The following PARG variants were observed in gnomAD, a reference collection of about 807,000 sequenced individuals.
The protein encoded by PARG is poly(ADP-ribose) glycohydrolase.
In PARG, 35 loss-of-function variants were observed where a neutral mutation model predicts 113.0. The observed-to-expected ratio is 0.31, with a 90% confidence interval of 0.24 to 0.41. PARG has a LOEUF of 0.41. Ranked by LOEUF, PARG falls within the 10% of genes least tolerant of loss-of-function variation. The probability of loss-of-function intolerance (pLI) is 1.00; values close to 1 mark genes in which losing one functional copy is unlikely to be tolerated. For missense variants in PARG, 797 were observed against 1,169.4 expected (o/e 0.68, Z 4.64); for synonymous variants, 330 against 409.9 (o/e 0.81, Z 2.36).
intron 15 of PARG, among the ~76,000 whole-genome samples, chr10:49,836,228 C>T (rs1245076581): frequency 1.3e-5 from 2 of 148,370 alleles, no homozygotes; most frequent in African/African-American, 2.5e-5. Context: ...AATCAATCTA[C>T]TATACTTCTT....
rs1844434823 is a variant in PARG at position 49,827,859 on chromosome 10, G to A, written c.2647+4944C>T. Among the ~76,000 whole-genome samples, 4 of 152,032 alleles carry A rather than the reference G, an allele frequency of 2.6e-5. No individual in the cohort carries two copies. The South Asian group carries it at 8.3e-4, about 31-fold the overall frequency. On this transcript the variant is annotated intron_variant, in intron 16 of 17. Coordinates refer to ENST00000616448, the MANE Select transcript of PARG (RefSeq NM_003631.5). ...GCAATAATTGACTATGTTAGGCCAT[G>A]AAGAGAAGTTCAAGAAACACCAAAA...
intron 16 of PARG, among the ~76,000 whole-genome samples, chr10:49,825,711 T>A (rs1384060221): frequency 6.6e-6 from 1 of 152,204 alleles, no homozygotes; most frequent in African/African-American, 2.4e-5. Context: ...ACAGGTTTAT[T>A]GGCTGTCTAT....
intron 9 of PARG, among the ~76,000 whole-genome samples, chr10:49,878,472 G>C (rs542979936): frequency 4.1e-4 from 62 of 150,610 alleles, no homozygotes; most frequent in African/African-American, 1.4e-3. Flanking sequence ...ACAAAAATTA[G>C]CCAGGCGTGG....
At chr10:49,855,007 T>TA (rs1564614890) in intron 13 of PARG, among the ~76,000 whole-genome samples, 3 of 149,898 alleles carry the variant, frequency 2.0e-5, no homozygotes, top group Admixed American at 6.6e-5. Flanking sequence ...CAGTCAGTAG[T>TA]AACTGCCCCT....
Position 49,941,978 on chromosome 10 carries a change from C to A in PARG, c.-253G>T. On this transcript the variant is annotated 5_prime_UTR_variant, in exon 1 of 18. Transcript: ENST00000616448. ...TTGATTCGGGATTCGTTCACTTTCC[C>A]ACCACCGGAAAGCTGCCGTCAGGCG... 1 of 907,252 alleles carries A rather than the reference C, an allele frequency of 1.1e-6. No individual in the cohort carries two copies. Among genetic ancestry groups the A allele is most frequent in the South Asian group, 1.6e-5 (1 of 64,356 alleles). The allele number at this position is 907,252 out of a possible 1,614,324, so 56.2% of individuals were successfully genotyped here. A position where few individuals can be genotyped will look rare whatever the true frequency, so the allele number is the denominator to read the frequency against.
chr10:49,904,642 C>T (rs1432912094), intron 7 of PARG, among the ~76,000 whole-genome samples: 11 of 151,678 alleles, frequency 7.3e-5, no homozygotes, highest in African/African-American at 1.9e-4. Context: ...AGGTCAGGCA[C>T]GATAGCTCAT....
intron 16 of PARG, among the ~76,000 whole-genome samples, chr10:49,823,125 A>T (rs1471089372): frequency 6.6e-6 from 1 of 152,156 alleles, no homozygotes; most frequent in African/African-American, 2.4e-5. Flanking sequence ...GTGTTTATAT[A>T]AGATAATATT....
intron 7 of PARG, among the ~76,000 whole-genome samples, chr10:49,890,406 T>C (rs1847713588): frequency 6.6e-6 from 1 of 152,198 alleles, no homozygotes; most frequent in South Asian, 2.1e-4. Flanking sequence ...CTCCTTTCCT[T>C]AGATTATAGA....
intron 7 of PARG, among the ~76,000 whole-genome samples, chr10:49,891,761 A>C (rs183265867): frequency 3.9e-3 from 592 of 149,876 alleles, no homozygotes; most frequent in East Asian, 0.016. Flanking sequence ...TCCTGAGTAG[A>C]TGAGACTACA....
chr10:49,841,465 GA>G (rs1564605595), intron 15 of PARG, among the ~76,000 whole-genome samples: 1 of 151,816 alleles, frequency 6.6e-6, no homozygotes, highest in Non-Finnish European at 1.5e-5. Flanking sequence ...TAATAAAAAA[GA>G]AAAAAATGAA....
intron 13 of PARG, among the ~76,000 whole-genome samples, chr10:49,846,968 G>GCA: frequency 6.6e-6 from 1 of 151,446 alleles, no homozygotes; most frequent in South Asian, 2.1e-4. Context: ...CATGTCAAAG[G>GCA]CACACAATAG....
chr10:49,891,355 A>G (rs1341182268), intron 7 of PARG, among the ~76,000 whole-genome samples: 7 of 151,768 alleles, frequency 4.6e-5, no homozygotes, highest in Non-Finnish European at 8.8e-5. Context: ...AAAAAAATCA[A>G]TCACAAATCA....
intron 1 of PARG, among the ~76,000 whole-genome samples, chr10:49,939,527 A>G (rs1692357339): frequency 1.3e-5 from 2 of 152,262 alleles, no homozygotes; most frequent in African/African-American, 2.4e-5. Flanking sequence ...TTGCAGTTAG[A>G]AAAGTCCAAA....
chr10:49,894,805 A>G (rs2664491), intron 7 of PARG, among the ~76,000 whole-genome samples: 2 of 152,194 alleles, frequency 1.3e-5, no homozygotes, highest in African/African-American at 2.4e-5. Flanking sequence ...CAAACCAGGC[A>G]GCTTAAAACA....
In PARG at chr10:49,832,748, GACTA is replaced by G. The variant is rs562964733; in HGVS notation, c.2647+51_2647+54del. The stretch of plus-strand genomic sequence containing the variant: ...AGGACATGAGAAATCTGGTTTGAAG[GACTA>G]ACTTTTTTTGTGTGGGCAGAATGCT... On this transcript the variant is annotated intron_variant, in intron 16 of 17. Transcript: ENST00000616448. 4,962 of 971,502 alleles carry G rather than the reference GACTA, an allele frequency of 5.1e-3. 35 individuals carry two copies. Among genetic ancestry groups the G allele is most frequent in the Non-Finnish European group, 4.6e-3 (2,937 of 637,680 alleles). 60.2% of individuals were successfully genotyped at this position (971,502 alleles called of 1,614,324 possible).
At chr10:49,907,621 A>C (rs2813019) in intron 7 of PARG, among the ~76,000 whole-genome samples, 4 of 152,218 alleles carry the variant, frequency 2.6e-5, no homozygotes, top group Admixed American at 6.5e-5. Flanking sequence ...GTTAAATATG[A>C]AATGTTACAT....
chr10:49,887,541 C>T (rs1357493503), intron 7 of PARG, among the ~76,000 whole-genome samples: 3 of 152,144 alleles, frequency 2.0e-5, no homozygotes, highest in Admixed American at 2.0e-4. Context: ...TACATGGAAA[C>T]ATACAAGTCT....
intron 2 of PARG, among the ~76,000 whole-genome samples, chr10:49,934,785 C>A (rs1838667937): frequency 1.3e-5 from 2 of 151,230 alleles, no homozygotes; most frequent in Admixed American, 1.3e-4. Flanking sequence ...GGAGGCAGAG[C>A]TTGCAGTTAG....
chr10:49,893,113 T>G lies in PARG; in HGVS notation c.1738-7818A>C, dbSNP rs553083985. ...TAGGTAGAGAAAGAAATGAAATTAA[T>G]GGGTAATAGGGTAAGTATATGTTCA... On this transcript the variant is annotated intron_variant, in intron 7 of 17. Transcript: ENST00000616448. 4.5e-3 allele frequency among the ~76,000 whole-genome samples: 630 copies of G among 140,980 alleles called. 5 individuals are homozygous for G. Among genetic ancestry groups the G allele is most frequent in the African/African-American group, 0.016 (584 of 36,412 alleles). 92.5% of individuals were successfully genotyped at this position (140,980 alleles called of 152,430 possible).
Sources: gnomAD v4.1 joint callset for allele counts (sites outside exome capture counted in the v4.1 genomes callset) on GRCh38, gnomAD v4.1.1 for gene constraint, MANE v1.5 for transcripts, NCBI Gene and HGNC (gene_info 2026-07-23, HGNC 2026-07-21) for gene names.